Variants in FBXO39 observed in about 807,000 individuals in gnomAD.
FBXO39 encodes the protein F-box only protein 39.
Under a neutral mutation model 36.6 loss-of-function variants are expected in FBXO39, and 22 were observed. The observed-to-expected ratio is 0.60, with a 90% CI of 0.43 to 0.86. FBXO39 has a LOEUF of 0.86. Ranked by LOEUF, FBXO39 falls within the 40% of genes least tolerant of loss-of-function variation. The pLI is 0.00. For synonymous variants in FBXO39, 206 were observed against 205.8 expected (o/e 1.00, Z -0.01); for missense variants, 536 against 543.9 (o/e 0.99, Z 0.14).
At position 6,780,082 on chromosome 17, in the gene FBXO39, G is replaced by T; in HGVS notation, c.214G>T (p.Ala72Ser). 6.2e-7 allele frequency: 1 copy of T among 1,614,206 alleles called. No homozygotes were observed. Among genetic ancestry groups the T allele is most frequent in the Non-Finnish European group, 8.5e-7 (1 of 1,180,032 alleles). The change falls in exon 2 of 4, where the codon GCA becomes TCA. Residue 72 changes from alanine (A) to serine (S), a missense_variant. Coordinates refer to ENST00000321535, the MANE Select transcript of FBXO39 (RefSeq NM_153230.3). ...CAGCGGGAGACCTTCCAGGGTACATGCATCTGAAGTTGAGTCAGCTGTTTG... is the reference window on the plus strand; with the variant it reads ...CAGCGGGAGACCTTCCAGGGTACATTCATCTGAAGTTGAGTCAGCTGTTTG... ...TFSGRPSRVH[A>S]SEVESAVWYV...
intron 3 of FBXO39, 85 bp downstream of exon 3, chr17:6,787,041 A>C (rs1257772063): frequency 6.9e-7 from 1 of 1,447,212 alleles, no homozygotes; most frequent in East Asian, 2.3e-5. Context: ...GGGCTGAATA[A>C]GGCAGTGGGG....
rs375343570 is a variant in FBXO39 at position 6,780,582 on chromosome 17, C to T, written c.714C>T (p.Asp238=). The T allele has an allele frequency of 3.3e-5, 53 of 1,613,878 alleles. No individual in the cohort carries two copies. Among genetic ancestry groups the T allele is most frequent in the Middle Eastern group, 3.3e-4 (2 of 6,084 alleles). ...ACCTCAACTACAACTGTATCTCCGA[C>T]GAGCTGCTTGAGAACTTGTGTGAGA... ...SLNLNYNCIS[D]ELLENLCENA... is the part of the protein sequence containing the mutation. Residue 238 remains aspartate, a synonymous_variant, in exon 2 of 4, where the codon GAC becomes GAT. Coordinates refer to ENST00000321535, the MANE Select transcript of FBXO39 (RefSeq NM_153230.3).
intron 3 of FBXO39, 102 bp from the exon 4 acceptor site, chr17:6,787,198 G>T: frequency 6.6e-7 from 1 of 1,515,938 alleles, no homozygotes; most frequent in South Asian, 1.3e-5. Context: ...TTAAGTTGCT[G>T]TCAAGCCCTG....
chr17:6,782,665 TAAA>T (rs1177073120), intron 2 of FBXO39, among the ~76,000 whole-genome samples: 1 of 152,024 alleles, frequency 6.6e-6, no homozygotes, highest in East Asian at 1.9e-4. Flanking sequence ...ACAAAATCTA[TAAA>T]AAGAGACAGA....
intron 1 of FBXO39, among the ~76,000 whole-genome samples, chr17:6,779,125 C>T (rs1294293993): frequency 2.6e-5 from 4 of 152,142 alleles, no homozygotes; most frequent in Admixed American, 1.3e-4. Flanking sequence ...AGGAAGGGGA[C>T]AGGCCATGTC....
Position 6,780,183 on chromosome 17 carries a change from C to G in FBXO39, c.315C>G (p.Thr105=). Reference sequence around the variant, plus strand: ...TGAATCCTTACAATGCTGTCTTGACCAAGAAGTTCCAGGTCACCATGCGGG... The same window carrying G: ...TGAATCCTTACAATGCTGTCTTGACGAAGAAGTTCCAGGTCACCATGCGGG... The part of the protein sequence containing the change: ...KFMNPYNAVL[T]KKFQVTMRGL... The change falls in exon 2 of 4, where the codon ACC becomes ACG. Residue 105 remains threonine (T), a synonymous_variant. Transcript: ENST00000321535. 6.2e-7 allele frequency: 1 copy of G among 1,614,150 alleles called. No homozygotes were observed. The highest frequency in any genetic ancestry group is 8.5e-7 in the Non-Finnish European group (1 of 1,180,028).
At chr17:6,787,243 TGTGTGTGTGTGC>T in intron 3 of FBXO39, 45 bp from the exon 4 acceptor site, 2 of 1,574,862 alleles carry the variant, frequency 1.3e-6, no homozygotes. Context: ...TGTGTATGTG[TGTGTGTGTGTGC>T]GTGTGTGCGT....
rs1567672344 is a variant in FBXO39, at chr17:6,786,771, C to A, written c.1024-9C>A. 1 of 1,592,286 alleles carries A rather than the reference C, an allele frequency of 6.3e-7. No individual in the cohort carries two copies. Among genetic ancestry groups the A allele is most frequent in the Non-Finnish European group, 8.6e-7 (1 of 1,169,382 alleles). ...CCCACACACATCTTCCCTTTTGGTG[C>A]TCTTCCAGAAATTAACTTGTGAATT... is the stretch of plus-strand genomic sequence containing the variant. On this transcript the variant is annotated splice_polypyrimidine_tract_variant and intron_variant, in intron 2 of 3. Coordinates refer to ENST00000321535, the MANE Select transcript of FBXO39 (RefSeq NM_153230.3).
At chr17:6,781,250 AG>A (rs1976505867) in intron 2 of FBXO39, among the ~76,000 whole-genome samples, 2 of 152,222 alleles carry the variant, frequency 1.3e-5, no homozygotes, top group African/African-American at 2.4e-5. Context: ...AGCAGCATGC[AG>A]GAGACCCTGT....
intron 1 of FBXO39, 46 bp from the exon 2 acceptor site, chr17:6,779,743 A>G (rs1976479600): frequency 9.6e-7 from 1 of 1,038,494 alleles, no homozygotes; most frequent in Non-Finnish European, 1.4e-6. Flanking sequence ...ATTTGAGTTT[A>G]ATCTCTGTTT....
chr17:6,780,753 C>T lies in FBXO39; in HGVS notation c.885C>T (p.Tyr295=), dbSNP rs79994365. The T allele has an allele frequency of 2.0e-3, 3,201 of 1,614,062 alleles. 69 individuals carry two copies. The African/African-American group carries it at 0.038, about 19-fold the overall frequency. The change falls in exon 2 of 4, where the codon TAC becomes TAT. Residue 295 remains tyrosine, a synonymous_variant. Coordinates refer to ENST00000321535, the MANE Select transcript of FBXO39 (RefSeq NM_153230.3). ...VNFFFERIMK[Y]ERLARILLQE... is the part of the protein sequence containing the mutation. ...TCTTCTTTGAACGGATCATGAAGTA[C>T]GAACGCTTGGCCCGAATCCTCTTGC...
intron 1 of FBXO39, among the ~76,000 whole-genome samples, chr17:6,776,714 T>C (rs903119205): frequency 6.6e-6 from 1 of 152,202 alleles, no homozygotes; most frequent in Non-Finnish European, 1.5e-5. Context: ...TGTATAGCGT[T>C]TACTACGTGG....
Position 6,787,618 on chromosome 17 carries a change from T to C in FBXO39, c.*190T>C, listed in dbSNP as rs1234705265. ...CTGCCCATGACCTGAAGGCTCCAGG[T>C]GGCTTTAAAGCGCTATGTTTACCAA... On this transcript the variant is annotated 3_prime_UTR_variant, in exon 4 of 4. Transcript: ENST00000321535. 3.6e-6 allele frequency: 2 copies of C among 563,036 alleles called. No individual in the cohort carries two copies. The highest frequency in any genetic ancestry group is 6.1e-6 in the Non-Finnish European group (2 of 329,814). The allele number at this position is 563,036 out of a possible 1,614,324, so 34.9% of individuals were successfully genotyped here.
In FBXO39 at chr17:6,780,892, G is replaced by A. The variant is rs186919575; in HGVS notation, c.1023+1G>A. ...GCCCACCTTCCGGCACACTCTGCAGGTAGGTAGGACTTGTGAGGAGTGACT... is the reference window on the plus strand; with the variant it reads ...GCCCACCTTCCGGCACACTCTGCAGATAGGTAGGACTTGTGAGGAGTGACT... On this transcript the variant is annotated splice_donor_variant, in intron 2 of 3. Transcript: ENST00000321535. LOFTEE classifies it high-confidence loss of function. The A allele has an allele frequency of 6.2e-7, 1 of 1,608,056 alleles. No homozygotes were observed. Among genetic ancestry groups the A allele is most frequent in the East Asian group, 2.2e-5 (1 of 44,856 alleles).
intron 2 of FBXO39, among the ~76,000 whole-genome samples, chr17:6,782,076 G>C (rs1976514991): frequency 6.6e-6 from 1 of 152,120 alleles, no homozygotes; most frequent in African/African-American, 2.4e-5. Context: ...TCAAGACATA[G>C]ACAGTACAGT....
chr17:6,785,938 G>C (rs1976565045), intron 2 of FBXO39, among the ~76,000 whole-genome samples: 1 of 152,194 alleles, frequency 6.6e-6, no homozygotes, highest in Non-Finnish European at 1.5e-5. Context: ...GTAGAGAACA[G>C]TTTGGAGGTT....
At position 6,787,346 on chromosome 17, in the gene FBXO39, C is replaced by A. The variant is rs1976588396; in HGVS notation, c.1247C>A (p.Thr416Asn). 6.2e-7 allele frequency: 1 copy of A among 1,613,840 alleles called. No homozygotes were observed. The highest frequency in any genetic ancestry group is 8.5e-7 in the Non-Finnish European group (1 of 1,180,006). Residue 416 changes from threonine to asparagine, a missense_variant, in exon 4 of 4, where the codon ACC (threonine) becomes AAC (asparagine). By Grantham distance (65) the Thr-to-Asn change is moderately conservative. Transcript: ENST00000321535. ...TATGAGACGAATGAAGAGGACAAGA[C>A]CCTGCAGGAAATTTACAGGAAGTAC... ...NRYETNEEDK[T>N]LQEIYRKYRK...
intron 2 of FBXO39, among the ~76,000 whole-genome samples, chr17:6,785,090 G>A (rs1472750223): frequency 7.1e-6 from 1 of 141,734 alleles, no homozygotes; most frequent in Non-Finnish European, 1.5e-5. Context: ...GCATGAGACT[G>A]ACATAAAAAC....
chr17:6,785,033 C>T (rs1485014008), intron 2 of FBXO39, among the ~76,000 whole-genome samples: 1 of 147,860 alleles, frequency 6.8e-6, no homozygotes, highest in Non-Finnish European at 1.5e-5. Context: ...GTAGAAACCA[C>T]ATTACCTGAC....
Sources: gnomAD v4.1 joint callset for allele counts (sites outside exome capture counted in the v4.1 genomes callset) on GRCh38, gnomAD v4.1.1 for gene constraint, MANE v1.5 for transcripts, NCBI Gene and HGNC (gene_info 2026-07-23, HGNC 2026-07-21) for gene names.